The following RBFOX1 variants were observed in gnomAD, a reference collection of about 807,000 sequenced individuals.
RBFOX1 encodes the protein RNA binding protein fox-1 homolog 1.
A neutral mutation model predicts 57.7 loss-of-function variants in RBFOX1; 8 were observed. That is an observed-to-expected ratio of 0.14 (90% CI 0.08 to 0.25). The LOEUF is 0.25. RBFOX1 is among the 10% of genes least tolerant of loss of function. The pLI is 1.00. For missense variants in RBFOX1, 611 were observed against 548.5 expected (o/e 1.11, Z -1.14); for synonymous variants, 326 against 222.4 (o/e 1.47, Z -4.15).
At chr16:7,006,208 G>C (rs2093285241) in intron 3 of RBFOX1, among the ~76,000 whole-genome samples, 1 of 152,014 alleles carries the variant, frequency 6.6e-6, no homozygotes, top group Non-Finnish European at 1.5e-5. Flanking sequence ...AGGCTGGAGT[G>C]CAGTGGCACG....
intron 1 of RBFOX1, among the ~76,000 whole-genome samples, chr16:5,373,744 C>T (rs7186260): frequency 0.14 from 21,440 of 151,168 alleles, 2,102 homozygotes; most frequent in Non-Finnish European, 0.2. Flanking sequence ...GCTGGGATAA[C>T]AGGTGCCGAC....
At chr16:5,678,444 A>G (rs1188375383) in intron 3 of RBFOX1, among the ~76,000 whole-genome samples, 1 of 152,180 alleles carries the variant, frequency 6.6e-6, no homozygotes. Context: ...ACCCTAATCA[A>G]TATAGAAAGT....
At chr16:7,505,814 A>C (rs1422142161) in intron 4 of RBFOX1, among the ~76,000 whole-genome samples, 1 of 152,162 alleles carries the variant, frequency 6.6e-6, no homozygotes, top group Non-Finnish European at 1.5e-5. Context: ...AATCTGTAAC[A>C]TGGATTCTGT....
chr16:7,654,888 A>T (rs187210368), intron 12 of RBFOX1, among the ~76,000 whole-genome samples: 108 of 152,302 alleles, frequency 7.1e-4, no homozygotes, highest in East Asian at 3.9e-4. Context: ...ACAGCCCCCA[A>T]CAAGAAAGAA....
chr16:5,280,316 T>A (rs2063239949), intron 1 of RBFOX1, among the ~76,000 whole-genome samples: 1 of 152,218 alleles, frequency 6.6e-6, no homozygotes, highest in Non-Finnish European at 1.5e-5. Context: ...TCTTGTTCAT[T>A]CATCATTAGA....
At chr16:6,463,364 T>G (rs1488608818) in intron 2 of RBFOX1, among the ~76,000 whole-genome samples, 2 of 152,158 alleles carry the variant, frequency 1.3e-5, no homozygotes, top group East Asian at 1.9e-4. Flanking sequence ...TATTTGCTGT[T>G]GTGTATTAAA....
At chr16:7,593,338 T>G (rs893389844) in intron 7 of RBFOX1, among the ~76,000 whole-genome samples, 9 of 152,188 alleles carry the variant, frequency 5.9e-5, no homozygotes, top group Non-Finnish European at 1.0e-4. Flanking sequence ...GAGTTAGAAC[T>G]GTCAAATAGA....
At chr16:7,049,992 A>G (rs1056097646) in intron 3 of RBFOX1, among the ~76,000 whole-genome samples, 7 of 152,182 alleles carry the variant, frequency 4.6e-5, no homozygotes, top group Admixed American at 2.6e-4. Context: ...CCTCATACCC[A>G]TTAAGCAGTC....
At chr16:5,791,255 T>C (rs187572796) in intron 3 of RBFOX1, among the ~76,000 whole-genome samples, 19 of 152,334 alleles carry the variant, frequency 1.2e-4, no homozygotes, top group African/African-American at 4.6e-4. Flanking sequence ...TAGCCAACTA[T>C]CTTTTGTATT....
intron 2 of RBFOX1, among the ~76,000 whole-genome samples, chr16:6,519,198 A>G (rs2096452825): frequency 6.6e-6 from 1 of 152,060 alleles, no homozygotes. Flanking sequence ...CTAAAATGGA[A>G]TTGGTAATAC....
intron 1 of RBFOX1, among the ~76,000 whole-genome samples, chr16:6,305,511 A>G (rs1031986655): frequency 6.6e-6 from 1 of 151,824 alleles, no homozygotes; most frequent in Non-Finnish European, 1.5e-5. Context: ...TCCCAGATAG[A>G]TATTTACTGA....
rs182597733 is a variant in RBFOX1 at position 5,475,969 on chromosome 16, C to G, written c.258+8715C>G. On this transcript the variant is annotated intron_variant, in intron 2 of 2. Coordinates refer to the RBFOX1 transcript ENST00000585867. The stretch of plus-strand genomic sequence containing the variant: ...GCTCTTAACCATGACTGTCTTGCTC[C>G]TCTGTCAGAATTACTGCTGCCAAGT... Among the ~76,000 whole-genome samples, 53 of 152,256 alleles carry G rather than the reference C, an allele frequency of 3.5e-4. 2 individuals are homozygous for G. In the East Asian group the frequency reaches 6.2e-3, roughly 18 times the overall value.
intron 3 of RBFOX1, among the ~76,000 whole-genome samples, chr16:6,666,304 C>T (rs1313791518): frequency 1.3e-5 from 2 of 152,080 alleles, no homozygotes; most frequent in African/African-American, 2.4e-5. Flanking sequence ...GAGGCTTAGG[C>T]GGGCGGATCA....
intron 2 of RBFOX1, among the ~76,000 whole-genome samples, chr16:5,594,943 C>G (rs576150092): frequency 7.0e-6 from 1 of 141,986 alleles, no homozygotes; most frequent in Non-Finnish European, 1.5e-5. Flanking sequence ...ACCAGCCTGG[C>G]CAACATGGTA....
chr16:6,899,234 T>C (rs1443810773), intron 3 of RBFOX1, among the ~76,000 whole-genome samples: 1 of 152,064 alleles, frequency 6.6e-6, no homozygotes, highest in Non-Finnish European at 1.5e-5. Context: ...TGGATGCGTG[T>C]CCATGTGTAT....
intron 4 of RBFOX1, among the ~76,000 whole-genome samples, chr16:5,993,795 C>T (rs959251310): frequency 2.6e-5 from 4 of 152,104 alleles, no homozygotes; most frequent in South Asian, 2.1e-4. Context: ...AATATTGCCG[C>T]TCATATGGCC....
chr16:5,740,026 A>G (rs926359206), intron 3 of RBFOX1, among the ~76,000 whole-genome samples: 1 of 152,170 alleles, frequency 6.6e-6, no homozygotes, highest in Non-Finnish European at 1.5e-5. Flanking sequence ...ATGCTGCAGA[A>G]CTGCTCTCTT....
At chr16:7,150,259 T>G (rs2075855571) in intron 4 of RBFOX1, among the ~76,000 whole-genome samples, 1 of 152,238 alleles carries the variant, frequency 6.6e-6, no homozygotes, top group Non-Finnish European at 1.5e-5. Flanking sequence ...AAGAGACGCC[T>G]CCACCTATCT....
At chr16:7,378,824 C>G (rs2097732993) in intron 4 of RBFOX1, among the ~76,000 whole-genome samples, 1 of 152,278 alleles carries the variant, frequency 6.6e-6, no homozygotes, top group East Asian at 1.9e-4. Flanking sequence ...GGCCATTCCT[C>G]TTGCAGGGCA....
Sources: allele counts gnomAD v4.1 joint callset (sites outside exome capture counted in the v4.1 genomes callset), GRCh38; gene constraint gnomAD v4.1.1; transcripts MANE v1.5; gene names NCBI Gene and HGNC (gene_info 2026-07-23, HGNC 2026-07-21).